Variants in ZNF467 observed in about 807,000 individuals in gnomAD.
The protein encoded by ZNF467 is zinc finger protein EZI.
ZNF467 carries 51 observed loss-of-function variants against 47.8 expected under a neutral mutation model. The observed-to-expected ratio is 1.07, with a 90% confidence interval of 0.85 to 1.35. The LOEUF is 1.35. Among genes scored for constraint, ZNF467 ranks in the 40% most tolerant of loss-of-function variants. The pLI is 0.00. For missense variants in ZNF467, 992 were observed against 858.1 expected, an observed-to-expected ratio of 1.16 and a Z score of -1.95; for synonymous variants, 416 against 372.9, an observed-to-expected ratio of 1.12 and a Z score of -1.33.
Position 149,764,464 on chromosome 7 carries a change from G to C in ZNF467, c.*250C>G, listed in dbSNP as rs970914896. On this transcript the variant is annotated 3_prime_UTR_variant, in exon 5 of 5. Coordinates refer to ENST00000302017, the MANE Select transcript of ZNF467 (RefSeq NM_207336.3). ...GTCCGGGAAATATCTGCTTTCCAAC[G>C]GGGCACCTGGGTGGGAGCCTTCCAA... is the stretch of plus-strand genomic sequence containing the variant. 7 of 694,192 alleles carry C rather than the reference G, an allele frequency of 1.0e-5. No homozygotes were observed. Among genetic ancestry groups the C allele is most frequent in the Admixed American group, 9.2e-5 (4 of 43,644 alleles). The allele number at this position is 694,192 out of a possible 1,614,324, so 43.0% of individuals were successfully genotyped here.
At position 149,764,885 on chromosome 7, in the gene ZNF467, G is replaced by C. The variant is rs201422718; in HGVS notation, c.1617C>G (p.Gly539=). The C allele has an allele frequency of 8.9e-6, 14 of 1,565,606 alleles. No homozygotes were observed. Among genetic ancestry groups the C allele is most frequent in the Non-Finnish European group, 1.2e-5 (14 of 1,157,802 alleles). Reference sequence around the variant, plus strand: ...ACTGCGGGCAGGAGAAGGGGCGGGAGCCTGTGTGGATCGCCTGGTGGCGGA... The same window carrying C: ...ACTGCGGGCAGGAGAAGGGGCGGGACCCTGTGTGGATCGCCTGGTGGCGGA... ...NLVRHQAIHT[G]SRPFSCPQCG... is the part of the protein sequence containing the mutation. Residue 539 remains glycine (G), a synonymous_variant, in exon 5 of 5, where the codon GGC becomes GGG. Transcript: ENST00000302017.
chr7:149,773,006 A>G (rs1481089339), intron 1 of ZNF467, 102 bp downstream of exon 1: 1 of 127,004 alleles, frequency 7.9e-6, no homozygotes, highest in East Asian at 2.2e-4. Context: ...CCGCGCCCCT[A>G]CCCCCGGGGC....
At chr7:149,773,616 G>A (rs1463336878), upstream of ZNF467, 1 of 144,166 alleles carries the variant, frequency 6.9e-6, no homozygotes, top group Non-Finnish European at 1.5e-5. Flanking sequence ...GCGGAGGGAG[G>A]AGCCGGGGAA....
rs555254562 is a variant in ZNF467 at position 149,769,036 on chromosome 7, GC to G, written c.262+53del. ...AGATAGCAGCTCCGGAGCTTGCTGG[GC>G]CCCGTTCCCTTGGCCTGAGCCCGTG... On this transcript the variant is annotated intron_variant, in intron 4 of 4. Coordinates refer to ENST00000302017, the MANE Select transcript of ZNF467 (RefSeq NM_207336.3). This position sits in a 1 kb window ranked among gnomAD's most constrained non-coding sequence, Gnocchi z 5.3. 7.9e-5 allele frequency: 114 copies of G among 1,449,298 alleles called. No homozygotes were observed. The highest frequency in any genetic ancestry group is 1.0e-4 in the Non-Finnish European group (111 of 1,079,096). 89.8% of individuals were successfully genotyped at this position (1,449,298 alleles called of 1,614,324 possible). A position where few individuals can be genotyped will look rare whatever the true frequency, so the allele number is the denominator to read the frequency against.
At chr7:149,776,159 G>A, upstream of ZNF467, 1 of 1,258,214 alleles carries the variant, frequency 7.9e-7, no homozygotes, top group Non-Finnish European at 1.0e-6. Context: ...GGACCCTCTG[G>A]GGCATCAGAC....
chr7:149,771,059 G>C lies in ZNF467; in HGVS notation c.-27C>G, dbSNP rs1261999316. 6.2e-7 allele frequency: 1 copy of C among 1,613,908 alleles called. No individual in the cohort carries two copies. On this transcript the variant is annotated 5_prime_UTR_variant, in exon 2 of 5. In the 5' UTR this introduces an upstream ATG that the reference lacks. Transcript: ENST00000302017. ...GTAACCCAGAGTAGCTCCTCCTGGG[G>C]ATCAGGCCACAGAACCTATGGAGAA...
At chr7:149,770,809 T>C (rs975281371) in intron 2 of ZNF467, among the ~76,000 whole-genome samples, 190 bp downstream of exon 2, 4 of 152,176 alleles carry the variant, frequency 2.6e-5, no homozygotes, top group South Asian at 2.1e-4. Flanking sequence ...AGTGCACATA[T>C]GGTCTAGAGC....
At chr7:149,772,840 C>T (rs1183851319) in intron 1 of ZNF467, among the ~76,000 whole-genome samples, 1 of 119,766 alleles carries the variant, frequency 8.3e-6, no homozygotes, top group African/African-American at 3.3e-5. Flanking sequence ...TTCCCACCTG[C>T]CTCCCGCCCG....
At chr7:149,771,143 C>T in intron 1 of ZNF467, 69 bp from the exon 2 acceptor site, 1 of 1,327,864 alleles carries the variant, frequency 7.5e-7, no homozygotes, top group Non-Finnish European at 1.1e-6. Context: ...TGGCTCTGCC[C>T]AACCTCTCCC....
chr7:149,765,542 C>A lies in ZNF467; in HGVS notation c.960G>T (p.Arg320Ser), dbSNP rs934144545. 7.6e-6 allele frequency: 12 copies of A among 1,581,474 alleles called. No homozygotes were observed. The highest frequency in any genetic ancestry group is 9.5e-6 in the Non-Finnish European group (11 of 1,163,968). ...TGGCCGGGCCGGCCGTCTGGTGCAC[C>A]CTTTGGTGCCGCACCAAGTGCTGCT... ...THKQHLVRHQ[R>S]VHQTAGPARP... is the part of the protein sequence containing the mutation. The change falls in exon 5 of 5, where the codon AGG becomes AGT. Residue 320 changes from arginine (R) to serine (S), a missense_variant. Physicochemically the swap from Arg to Ser is moderately radical, Grantham distance 110 (BLOSUM62 -1). Transcript: ENST00000302017.
At chr7:149,768,505 C>A (rs1416497581) in intron 4 of ZNF467, among the ~76,000 whole-genome samples, 1 of 152,226 alleles carries the variant, frequency 6.6e-6, no homozygotes, top group Admixed American at 6.5e-5. Context: ...GTACTTAACA[C>A]AGCCTGTATG....
chr7:149,766,376 A>T (rs1402311838), intron 4 of ZNF467, 137 bp from the exon 5 acceptor site: 2 of 1,396,312 alleles, frequency 1.4e-6, no homozygotes, highest in Non-Finnish European at 1.9e-6. Context: ...GGAGTGACCA[A>T]ATCCGCAGCT....
intron 4 of ZNF467, among the ~76,000 whole-genome samples, chr7:149,768,147 CTT>C (rs529979139): frequency 1.3e-3 from 200 of 152,342 alleles, no homozygotes; most frequent in African/African-American, 4.6e-3. Context: ...ACTGTTAACA[CTT>C]TTGTGCTTAT....
chr7:149,765,764 G>T lies in ZNF467; in HGVS notation c.738C>A (p.Cys246Ter), dbSNP rs774017938. The stretch of plus-strand genomic sequence containing the variant: ...GGCTGAAGCGCTTGCCGCACTCCGC[G>T]CACGGGTAGGGCCGCTCGCCCGTGT... The part of the protein sequence containing the change: ...RTHTGERPYP[C>*]AECGKRFSQK... Residue 246 changes from cysteine to a stop codon, truncating the protein, a stop_gained, in exon 5 of 5, where the codon TGC (cysteine) becomes TGA (stop). Coordinates refer to ENST00000302017, the MANE Select transcript of ZNF467 (RefSeq NM_207336.3). LOFTEE classifies it high-confidence loss of function. 1.2e-6 allele frequency: 2 copies of T among 1,612,646 alleles called. No homozygotes were observed. The highest frequency in any genetic ancestry group is 1.7e-6 in the Non-Finnish European group (2 of 1,179,520).
At chr7:149,767,875 A>C (rs1799270730) in intron 4 of ZNF467, among the ~76,000 whole-genome samples, 1 of 152,114 alleles carries the variant, frequency 6.6e-6, no homozygotes. Flanking sequence ...TTTGAAGATA[A>C]AACAGGTTCT....
intron 4 of ZNF467, among the ~76,000 whole-genome samples, chr7:149,767,110 G>A (rs1406473839): frequency 6.6e-6 from 1 of 152,224 alleles, no homozygotes; most frequent in Non-Finnish European, 1.5e-5. Flanking sequence ...TCCAACTTAG[G>A]TTCTCCTCTG....
chr7:149,764,613 CCTTCGGGCAGCAGCCCAGGTCGCCTTG>C lies in ZNF467; in HGVS notation c.*74_*100del, dbSNP rs753103724. 6.5e-7 allele frequency: 1 copy of C among 1,547,818 alleles called. No individual in the cohort carries two copies. Among genetic ancestry groups the C allele is most frequent in the East Asian group, 2.4e-5 (1 of 40,956 alleles). On this transcript the variant is annotated 3_prime_UTR_variant, in exon 5 of 5. Coordinates refer to ENST00000302017, the MANE Select transcript of ZNF467 (RefSeq NM_207336.3). ...AAACAGGTGTCCCGCGGCGGCCAAA[CCTTCGGGCAGCAGCCCAGGTCGCCTTG>C]CTCACCCCAGGCGGTCTCATGGCAC...
intron 3 of ZNF467, among the ~76,000 whole-genome samples, 185 bp downstream of exon 3, chr7:149,770,255 T>G (rs1176830305): frequency 6.7e-6 from 1 of 149,514 alleles, no homozygotes. Flanking sequence ...ACTGAGGTAT[T>G]CCAAATGTTT....
chr7:149,771,810 A>G (rs1383519961), intron 1 of ZNF467, among the ~76,000 whole-genome samples: 2 of 146,424 alleles, frequency 1.4e-5, no homozygotes, highest in African/African-American at 2.5e-5. Context: ...TCCCCTGCGA[A>G]TCGGGCCGGC....
Sources: gnomAD v4.1 joint callset for allele counts (sites outside exome capture counted in the v4.1 genomes callset) on GRCh38, gnomAD v4.1.1 for gene constraint, Gnocchi (gnomAD v3.1) non-coding constraint, MANE v1.5 for transcripts, NCBI Gene and HGNC (gene_info 2026-07-23, HGNC 2026-07-21) for gene names.